The following PCDHGB2 variants were observed in gnomAD, a reference collection of about 807,000 sequenced individuals.
The protein encoded by PCDHGB2 is protocadherin gamma-B2.
Under a neutral mutation model 59.3 loss-of-function variants are expected in PCDHGB2, and 55 were observed. The observed-to-expected ratio is 0.93, with a 90% CI of 0.75 to 1.16. The LOEUF (loss-of-function observed/expected upper bound fraction) is 1.16. Among genes scored for constraint, PCDHGB2 ranks in the 50% most tolerant of loss-of-function variants. The pLI, the probability that PCDHGB2 is intolerant of heterozygous loss-of-function variation, is 0.00. For missense variants in PCDHGB2, 1,228 were observed against 1,198.5 expected (o/e 1.02, Z -0.36); for synonymous variants, 516 against 512.0 (o/e 1.01, Z -0.11).
chr5:141,366,085 C>T, intron 1 of PCDHGB2: 1 of 1,614,268 alleles, frequency 6.2e-7, no homozygotes, highest in Non-Finnish European at 8.5e-7. Flanking sequence ...CAGAACCTGG[C>T]TACCTGGTGA....
At chr5:141,414,009 T>C in intron 1 of PCDHGB2, 1 of 1,612,964 alleles carries the variant, frequency 6.2e-7, no homozygotes, top group Middle Eastern at 1.7e-4. Context: ...AAGGTGCCAA[T>C]GGAGAAGTGA....
intron 1 of PCDHGB2, chr5:141,399,813 G>A (rs985564503): frequency 6.2e-7 from 1 of 1,613,198 alleles, no homozygotes; most frequent in Non-Finnish European, 8.5e-7. Context: ...TGTACCCCGC[G>A]CTGGGTCCCG....
intron 1 of PCDHGB2, chr5:141,371,027 C>T (rs1393819856): frequency 6.2e-7 from 1 of 1,613,874 alleles, no homozygotes; most frequent in African/African-American, 1.3e-5. Context: ...ACCACCTGGT[C>T]CTCACAGCTG....
intron 3 of PCDHGB2, among the ~76,000 whole-genome samples, chr5:141,510,440 C>T (rs1251795430): frequency 6.6e-6 from 1 of 152,066 alleles, no homozygotes; most frequent in Non-Finnish European, 1.5e-5. Context: ...TGCTGCCCTC[C>T]AGGAGCCCAT....
At chr5:141,371,200 T>C in intron 1 of PCDHGB2, 3 of 1,614,034 alleles carry the variant, frequency 1.9e-6, no homozygotes, top group Non-Finnish European at 2.5e-6. Flanking sequence ...GCCATTGACA[T>C]GGATGAGGGC....
At chr5:141,441,890 T>C (rs967557692) in intron 1 of PCDHGB2, 18 of 348,170 alleles carry the variant, frequency 5.2e-5, no homozygotes, top group Non-Finnish European at 7.2e-5. Flanking sequence ...GTCACCAAGG[T>C]GGTGGCTGTA....
intron 1 of PCDHGB2, chr5:141,395,039 T>A: frequency 6.2e-7 from 1 of 1,614,020 alleles, no homozygotes; most frequent in Non-Finnish European, 8.5e-7. Context: ...ATTTTGTGGG[T>A]GTTGAGGAGG....
chr5:141,441,819 G>A (rs1040935030), intron 1 of PCDHGB2: 6 of 359,092 alleles, frequency 1.7e-5, no homozygotes, highest in Non-Finnish European at 3.3e-5. Context: ...CCCCAGCTCT[G>A]GAGCGCAATG....
intron 1 of PCDHGB2, chr5:141,415,704 T>G: frequency 7.4e-7 from 1 of 1,344,464 alleles, no homozygotes; most frequent in Non-Finnish European, 1.0e-6. Flanking sequence ...GTGTAAATGC[T>G]AAAACACTGA....
At chr5:141,411,955 A>G (rs1427605209) in intron 1 of PCDHGB2, 2 of 152,244 alleles carry the variant, frequency 1.3e-5, no homozygotes, top group Admixed American at 6.5e-5. Context: ...TTTGAAGAAA[A>G]AAGATAAAAT....
At chr5:141,368,381 A>G (rs1377109845) in intron 1 of PCDHGB2, among the ~76,000 whole-genome samples, 2 of 152,154 alleles carry the variant, frequency 1.3e-5, no homozygotes, top group East Asian at 3.8e-4. Context: ...ATATACACAC[A>G]TACACACACA....
chr5:141,403,856 T>A, intron 1 of PCDHGB2: 1 of 1,613,604 alleles, frequency 6.2e-7, no homozygotes, highest in Non-Finnish European at 8.5e-7. Context: ...TGGGGAAATA[T>A]CAACAGCAAA....
chr5:141,492,005 C>T (rs1444993907), intron 1 of PCDHGB2: 2 of 642,268 alleles, frequency 3.1e-6, no homozygotes, highest in Admixed American at 7.4e-5. Flanking sequence ...GGGCGATTTC[C>T]GCGGGTGTCG....
chr5:141,374,615 T>G lies in PCDHGB2; in HGVS notation c.2421+12059T>G, dbSNP rs777034606. ...ATTTAAGCTCAGTGGTAATAGTCACTTCTCAGTGGACGTGCAAAGCGAAGC... is the reference window on the plus strand; with the variant it reads ...ATTTAAGCTCAGTGGTAATAGTCACGTCTCAGTGGACGTGCAAAGCGAAGC... On this transcript the variant is annotated intron_variant, in intron 1 of 3. Coordinates refer to ENST00000522605, the MANE Select transcript of PCDHGB2 (RefSeq NM_018923.3). 108 of 1,613,570 alleles carry G rather than the reference T, an allele frequency of 6.7e-5. 1 individual carries two copies. In the East Asian group the frequency reaches 2.4e-3, roughly 35 times the overall value.
chr5:141,388,480 C>T (rs751470350), intron 1 of PCDHGB2: 3 of 1,613,758 alleles, frequency 1.9e-6, no homozygotes, highest in Non-Finnish European at 2.5e-6. Flanking sequence ...TTGAAGACAC[C>T]TTTGGACAGA....
At chr5:141,497,848 T>C (rs2099779951) in intron 2 of PCDHGB2, among the ~76,000 whole-genome samples, 1 of 152,178 alleles carries the variant, frequency 6.6e-6, no homozygotes, top group South Asian at 2.1e-4. Flanking sequence ...AACAAACATT[T>C]TTGATTCAGC....
chr5:141,470,825 C>T (rs557419577), intron 1 of PCDHGB2, among the ~76,000 whole-genome samples: 5 of 152,064 alleles, frequency 3.3e-5, no homozygotes, highest in Admixed American at 1.3e-4. Context: ...GTAGTTAGGA[C>T]GACAAACACA....
Position 141,486,151 on chromosome 5 carries a change from T to C in PCDHGB2, c.2422-8656T>C, listed in dbSNP as rs570065848. The C allele has an allele frequency of 2.7e-5, 44 of 1,613,914 alleles. No individual in the cohort carries two copies. In the South Asian group the frequency reaches 4.3e-4, roughly 16 times the overall value. ...TTGATGTGCGGGCTCGCGATGGGGGTTCTCCAGCCATGGAGCAACATTGCA... is the reference window on the plus strand; with the variant it reads ...TTGATGTGCGGGCTCGCGATGGGGGCTCTCCAGCCATGGAGCAACATTGCA... On this transcript the variant is annotated intron_variant, in intron 1 of 3. Transcript: ENST00000522605. The surrounding 1 kb of genome is among the most constrained non-coding windows in gnomAD (Gnocchi z 5.0).
intron 1 of PCDHGB2, chr5:141,430,828 G>C (rs760402028): frequency 1.3e-6 from 2 of 1,554,030 alleles, no homozygotes; most frequent in East Asian, 2.2e-5. Context: ...TGGGGACTCT[G>C]TGGGAGACCG....
Sources: gnomAD v4.1 joint callset for allele counts (sites outside exome capture counted in the v4.1 genomes callset) on GRCh38, gnomAD v4.1.1 for gene constraint, Gnocchi (gnomAD v3.1) non-coding constraint, MANE v1.5 for transcripts, NCBI Gene and HGNC (gene_info 2026-07-23, HGNC 2026-07-21) for gene names.